RYR3: variants seen among roughly 807,000 people sequenced by gnomAD.
The protein encoded by RYR3 is brain ryanodine receptor-calcium release channel.
Under a neutral mutation model 584.3 loss-of-function variants are expected in RYR3, and 207 were observed. The ratio of observed to expected loss-of-function variants is 0.35; its 90% CI spans 0.32 to 0.40. The LOEUF (loss-of-function observed/expected upper bound fraction) is 0.40, where lower values mean the gene tolerates loss of function less well. Ranked by LOEUF, RYR3 falls within the 10% of genes least tolerant of loss-of-function variation. The probability of loss-of-function intolerance (pLI) is 1.00; values close to 1 mark genes in which losing one functional copy is unlikely to be tolerated. For missense variants in RYR3, 5,616 were observed against 6,089.2 expected (o/e 0.92, Z 2.59); for synonymous variants, 2,416 against 2,248.5 (o/e 1.07, Z -2.11).
intron 36 of RYR3, among the ~76,000 whole-genome samples, chr15:33,668,368 C>G (rs930568796): frequency 3.3e-5 from 5 of 151,704 alleles, no homozygotes; most frequent in Non-Finnish European, 7.4e-5. Context: ...TAAAAGCTGA[C>G]CAAAAGCTGG....
Position 33,853,060 on chromosome 15 carries a change from C to A in RYR3, c.13644C>A (p.Asn4548Lys). 6.2e-7 allele frequency: 1 copy of A among 1,605,682 alleles called. No individual in the cohort carries two copies. Among genetic ancestry groups the A allele is most frequent in the Non-Finnish European group, 8.5e-7 (1 of 1,176,802 alleles). ...TGTTTTTCAGATCTTTTCCTAATAACTACTGGGACAAGTTTGTAAAGAGAA... is the reference window on the plus strand; with the variant it reads ...TGTTTTTCAGATCTTTTCCTAATAAATACTGGGACAAGTTTGTAAAGAGAA... ...LVINTPSFPN[N>K]YWDKFVKRKV... The change falls in exon 95 of 104, where the codon AAC becomes AAA. Residue 4548 changes from asparagine to lysine, a missense_variant. Around this residue, in one of 9 missense-constraint regions of RYR3, gnomAD observed 918 missense variants for 887.4 expected, o/e 1.03. Transcript: ENST00000634891.
intron 12 of RYR3, among the ~76,000 whole-genome samples, chr15:33,568,500 C>A (rs1042025599): frequency 4.6e-5 from 7 of 151,532 alleles, no homozygotes; most frequent in African/African-American, 1.5e-4. Context: ...GAGATAGGGT[C>A]TCACTGCGGC....
At position 33,757,490 on chromosome 15, in the gene RYR3, G is replaced by C; in HGVS notation, c.8599G>C (p.Val2867Leu). 1 of 1,608,266 alleles carries C rather than the reference G, an allele frequency of 6.2e-7. No individual in the cohort carries two copies. Among genetic ancestry groups the C allele is most frequent in the Non-Finnish European group, 8.5e-7 (1 of 1,177,580 alleles). Reference protein sequence around the residue: ...KFFAKVLLPLVDQYFTSHCLY... With the variant: ...KFFAKVLLPLLDQYFTSHCLY... ...CGTTTCCCAGGTTCTCCTCCCGCTG[G>C]TTGACCAGTACTTCACCAGTCATTG... Residue 2867 changes from valine (V) to leucine (L), a missense_variant, in exon 60 of 104, where the codon GTT becomes CTT. This residue lies in a region of RYR3 where 1,280 missense variants were observed against 1,426.2 expected (regional missense o/e 0.90). Transcript: ENST00000634891.
intron 42 of RYR3, among the ~76,000 whole-genome samples, chr15:33,705,101 T>TCTCTCTC (rs1156781766): frequency 9.1e-5 from 13 of 142,212 alleles, no homozygotes; most frequent in Non-Finnish European, 1.4e-4. Flanking sequence ...CACACACTCT[T>TCTCTCTC]TCTCTCTCTC....
At chr15:33,855,424 A>G (rs1335077980) in intron 98 of RYR3, among the ~76,000 whole-genome samples, 2 of 152,174 alleles carry the variant, frequency 1.3e-5, no homozygotes. Context: ...GGCTGGTCTC[A>G]AACGCCTGAT....
intron 34 of RYR3, among the ~76,000 whole-genome samples, chr15:33,661,465 A>T (rs2063157294): frequency 6.6e-6 from 1 of 152,186 alleles, no homozygotes; most frequent in Non-Finnish European, 1.5e-5. Flanking sequence ...CTTTATACAA[A>T]TGATACAGAT....
chr15:33,405,619 T>C (rs1158137584), intron 1 of RYR3, among the ~76,000 whole-genome samples: 1 of 152,226 alleles, frequency 6.6e-6, no homozygotes, highest in Non-Finnish European at 1.5e-5. Flanking sequence ...GCTTCACTGA[T>C]ACTTACAAGC....
In RYR3 at chr15:33,670,575, A is replaced by C. The variant is rs980213221; in HGVS notation, c.5860+19A>C. The C allele has an allele frequency of 1.9e-6, 3 of 1,547,252 alleles. No individual in the cohort carries two copies. Among genetic ancestry groups the C allele is most frequent in the Non-Finnish European group, 1.7e-6 (2 of 1,154,348 alleles). ...TGCCCCAGTAAGTGACATTGCCTTT[A>C]AATGACAGTGTGCTCTTCTAAGACT... On this transcript the variant is annotated intron_variant, in intron 38 of 103. Transcript: ENST00000634891.
chr15:33,810,757 G>T (rs1411701243), intron 71 of RYR3, 108 bp downstream of exon 71: 4 of 1,395,188 alleles, frequency 2.9e-6, no homozygotes, highest in Non-Finnish European at 3.9e-6. Flanking sequence ...GGGAGCAGAT[G>T]CGCAGAAACC....
In RYR3 at chr15:33,613,359, T is replaced by G. The variant is rs764079517; in HGVS notation, c.2341T>G (p.Phe781Val). 6.2e-7 allele frequency: 1 copy of G among 1,603,818 alleles called. No individual in the cohort carries two copies. Among genetic ancestry groups the G allele is most frequent in the African/African-American group, 1.3e-5 (1 of 74,840 alleles). ...CGGGCTCTTCTTCCCTGTGATGAGCTTTTCAGCAGGTGTCAAGTAAGTTAT... is the reference window on the plus strand; with the variant it reads ...CGGGCTCTTCTTCCCTGTGATGAGCGTTTCAGCAGGTGTCAAGTAAGTTAT... ...TDGLFFPVMS[F>V]SAGVKVRFLM... The change falls in exon 19 of 104, where the codon TTT (phenylalanine) becomes GTT (valine). Residue 781 changes from phenylalanine (F) to valine (V), a missense_variant. Phe to Val is a conservative substitution (Grantham distance 50, BLOSUM62 -1). This residue lies in a region of RYR3 where 1,284 missense variants were observed against 1,344.6 expected (regional missense o/e 0.95). Coordinates refer to ENST00000634891, the MANE Select transcript of RYR3 (RefSeq NM_001036.6).
chr15:33,862,712 G>GTGATTGAT (rs150306937), intron 102 of RYR3, among the ~76,000 whole-genome samples: 2 of 152,072 alleles, frequency 1.3e-5, no homozygotes, highest in East Asian at 2.0e-4. Context: ...CTGGATTCAA[G>GTGATTGAT]TGATTCTCCT....
chr15:33,390,373 T>G lies in RYR3; in HGVS notation c.51+79277T>G, dbSNP rs139931866. 1.3e-5 allele frequency among the ~76,000 whole-genome samples: 2 copies of G among 152,362 alleles called. No individual in the cohort carries two copies. Among genetic ancestry groups the G allele is most frequent in the East Asian group, 3.9e-4 (2 of 5,190 alleles). The stretch of plus-strand genomic sequence containing the variant: ...TTTCACCTGACCTATTGAACACTAA[T>G]ATTTCCAAACACTGATATTTCCAAA... On this transcript the variant is annotated intron_variant, in intron 1 of 103. Transcript: ENST00000634891. This position sits in a 1 kb window ranked among gnomAD's most constrained non-coding sequence, Gnocchi z 4.2.
intron 20 of RYR3, among the ~76,000 whole-genome samples, chr15:33,625,013 C>T (rs554334191): frequency 1.3e-5 from 2 of 152,236 alleles, no homozygotes; most frequent in Non-Finnish European, 2.9e-5. Flanking sequence ...CATTTTCATA[C>T]TGCTATAAAG....
chr15:33,680,447 T>C (rs955055488), intron 38 of RYR3, among the ~76,000 whole-genome samples: 1 of 152,228 alleles, frequency 6.6e-6, no homozygotes, highest in Admixed American at 6.5e-5. Context: ...TCTTGCTTCT[T>C]GTTCCAGCTT....
At position 33,837,893 on chromosome 15, in the gene RYR3, T is replaced by C. The variant is rs377376313; in HGVS notation, c.11913T>C (p.Asn3971=). The change falls in exon 89 of 104, where the codon AAT becomes AAC. Residue 3971 remains asparagine, a synonymous_variant. Coordinates refer to ENST00000634891, the MANE Select transcript of RYR3 (RefSeq NM_001036.6). ...FLLSCAEADE[N]DMFNYVDFVD... ...TGTCGTGTGCAGAAGCTGATGAGAA[T>C]GACATGTTTAATTACGTTGATTTTG... 2.5e-6 allele frequency: 4 copies of C among 1,613,982 alleles called. No homozygotes were observed. Among genetic ancestry groups the C allele is most frequent in the Non-Finnish European group, 3.4e-6 (4 of 1,179,882 alleles).
At chr15:33,684,526 CAA>C (rs1011784205) in intron 38 of RYR3, among the ~76,000 whole-genome samples, 57 of 152,164 alleles carry the variant, frequency 3.7e-4, no homozygotes, top group African/African-American at 1.3e-3. Flanking sequence ...GATAAAACCA[CAA>C]AGATGATTAT....
At chr15:33,778,063 G>A (rs1210318778) in intron 64 of RYR3, among the ~76,000 whole-genome samples, 1 of 152,162 alleles carries the variant, frequency 6.6e-6, no homozygotes, top group Admixed American at 6.5e-5. Flanking sequence ...CCAGCTACTC[G>A]GGAGGCTAAG....
At chr15:33,458,258 A>C (rs943320875) in intron 1 of RYR3, among the ~76,000 whole-genome samples, 2 of 152,146 alleles carry the variant, frequency 1.3e-5, no homozygotes, top group Non-Finnish European at 2.9e-5. Flanking sequence ...CCCCAATGTG[A>C]GGGGGCATCA....
chr15:33,842,047 A>C lies in RYR3; in HGVS notation c.13209+12A>C. 1.3e-6 allele frequency: 2 copies of C among 1,592,090 alleles called. No individual in the cohort carries two copies. Among genetic ancestry groups the C allele is most frequent in the Non-Finnish European group, 1.7e-6 (2 of 1,168,930 alleles). On this transcript the variant is annotated intron_variant, in intron 91 of 103. Coordinates refer to ENST00000634891, the MANE Select transcript of RYR3 (RefSeq NM_001036.6). ...AGACCAAGTTACTGGTAAGCATTCC[A>C]ACCTTGGCCCTGTTCATGGTGCAGG... is the stretch of plus-strand genomic sequence containing the variant.
Sources: allele counts gnomAD v4.1 joint callset (sites outside exome capture counted in the v4.1 genomes callset), GRCh38; gene constraint gnomAD v4.1.1; regional missense constraint gnomAD v4.1.1; non-coding constraint Gnocchi (gnomAD v3.1); transcripts MANE v1.5; gene names NCBI Gene and HGNC (gene_info 2026-07-23, HGNC 2026-07-21).